The following PLD3 variants were observed in gnomAD, a reference collection of about 807,000 sequenced individuals.
PLD3 encodes the protein phospholipase D family member 3, also known as 5'-3' exonuclease PLD3.
In PLD3, 31 loss-of-function variants were observed where a neutral mutation model predicts 58.4. The ratio of observed to expected loss-of-function variants is 0.53; its 90% CI spans 0.40 to 0.72. The LOEUF (loss-of-function observed/expected upper bound fraction) is 0.72, where lower values mean the gene tolerates loss of function less well. Ranked by LOEUF, PLD3 falls within the 30% of genes least tolerant of loss-of-function variation. The probability of loss-of-function intolerance (pLI) is 0.00; values close to 1 mark genes in which losing one functional copy is unlikely to be tolerated. For missense variants in PLD3, 595 were observed against 659.8 expected, an observed-to-expected ratio of 0.90 and a Z score of 1.08; for synonymous variants, 264 against 273.4, an observed-to-expected ratio of 0.97 and a Z score of 0.34.
chr19:40,378,015 A>G lies in PLD3; in HGVS notation c.1315A>G (p.Thr439Ala). The change falls in exon 13 of 13, where the codon ACG becomes GCG. Residue 439 changes from threonine to alanine, a missense_variant. Thr to Ala is a moderately conservative substitution (Grantham distance 58). Transcript: ENST00000409735. ...CTCCAACTGGTCTGGCAACTACTTC[A>G]CGGAGACGGCGGGCACCTCGCTGCT... ...GTSNWSGNYF[T>A]ETAGTSLLVT... is the part of the protein sequence containing the mutation. 6.2e-7 allele frequency: 1 copy of G among 1,613,284 alleles called. No individual in the cohort carries two copies. Among genetic ancestry groups the G allele is most frequent in the Non-Finnish European group, 8.5e-7 (1 of 1,179,602 alleles).
rs546638979 is a variant in PLD3, at chr19:40,378,326, C to T, written c.*153C>T. The T allele has an allele frequency of 3.3e-4, 253 of 768,698 alleles. 1 individual carries two copies. The highest frequency in any genetic ancestry group is 5.4e-4 in the Non-Finnish European group (239 of 442,038). The allele number at this position is 768,698 out of a possible 1,614,324, so 47.6% of individuals were successfully genotyped here. ...GCTCTCCCACCTCTACCTCCACCCC[C>T]ACCGGCCTGACGCTGTGGCCCCGGG... is the stretch of plus-strand genomic sequence containing the variant. On this transcript the variant is annotated 3_prime_UTR_variant, in exon 13 of 13. Transcript: ENST00000409735.
rs1188428773 is a variant in PLD3, at chr19:40,377,830, A to T, written c.1230A>T (p.Pro410=). 3.7e-6 allele frequency: 6 copies of T among 1,613,822 alleles called. No individual in the cohort carries two copies. The African/African-American group carries it at 8.0e-5, about 22-fold the overall frequency. ...VPADEAQARI[P]YARVNHNKYM... is the part of the protein sequence containing the mutation. ...CGGATGAGGCCCAGGCTCGAATCCC[A>T]TATGCCCGTGTCAACCACAACAAGT... The change falls in exon 12 of 13, where the codon CCA becomes CCT. Residue 410 remains proline, a synonymous_variant. Transcript: ENST00000409735.
At chr19:40,369,134 A>AT (rs1210303462) in intron 6 of PLD3, among the ~76,000 whole-genome samples, 5 of 151,818 alleles carry the variant, frequency 3.3e-5, no homozygotes, top group African/African-American at 7.3e-5. Flanking sequence ...CTAAAAAAAA[A>AT]TTTTTTTATG....
intron 1 of PLD3, among the ~76,000 whole-genome samples, chr19:40,361,908 C>T (rs770280301): frequency 2.0e-5 from 3 of 151,948 alleles, no homozygotes; most frequent in African/African-American, 4.8e-5. Context: ...GTGGCGCCAA[C>T]TCACTGCAAC....
intron 9 of PLD3, among the ~76,000 whole-genome samples, 153 bp downstream of exon 9, chr19:40,372,026 T>G (rs2079079220): frequency 6.6e-6 from 1 of 152,164 alleles, no homozygotes; most frequent in Non-Finnish European, 1.5e-5. Flanking sequence ...CCTGGAGTAG[T>G]TCCCAACATC....
At position 40,378,002 on chromosome 19, in the gene PLD3, T is replaced by C. The variant is rs1341176975; in HGVS notation, c.1302T>C (p.Ser434=). ...CCTCTCTAGGAACCTCCAACTGGTC[T>C]GGCAACTACTTCACGGAGACGGCGG... ...RATYIGTSNW[S]GNYFTETAGT... The change falls in exon 13 of 13, where the codon TCT becomes TCC. Residue 434 remains serine, a synonymous_variant. Coordinates refer to ENST00000409735, the MANE Select transcript of PLD3 (RefSeq NM_012268.4). 6.2e-7 allele frequency: 1 copy of C among 1,613,062 alleles called. No homozygotes were observed. The highest frequency in any genetic ancestry group is 1.3e-5 in the African/African-American group (1 of 75,024).
intron 1 of PLD3, among the ~76,000 whole-genome samples, chr19:40,352,451 C>T (rs2078543387): frequency 6.6e-6 from 1 of 152,048 alleles, no homozygotes; most frequent in Non-Finnish European, 1.5e-5. Context: ...GCATCTGTCC[C>T]TGGAAGCTTG....
chr19:40,352,494 CCT>C (rs1428435874), intron 1 of PLD3, among the ~76,000 whole-genome samples: 6 of 152,036 alleles, frequency 3.9e-5, no homozygotes, highest in Non-Finnish European at 7.4e-5. Context: ...TGCTCCATTT[CCT>C]CTCTCTTTTT....
intron 9 of PLD3, among the ~76,000 whole-genome samples, chr19:40,372,321 T>TACAA (rs59326126): frequency 0.023 from 3,548 of 151,616 alleles, 172 homozygotes; most frequent in Admixed American, 0.12. Flanking sequence ...ACTCCATCTT[T>TACAA]ACAAACAAAC....
chr19:40,377,838 G>T lies in PLD3; in HGVS notation c.1238G>T (p.Arg413Leu). The change falls in exon 12 of 13, where the codon CGT becomes CTT. Residue 413 changes from arginine (R) to leucine (L), a missense_variant. Coordinates refer to ENST00000409735, the MANE Select transcript of PLD3 (RefSeq NM_012268.4). Reference sequence around the variant, plus strand: ...GCCCAGGCTCGAATCCCATATGCCCGTGTCAACCACAACAAGTACATGGTG... The same window carrying T: ...GCCCAGGCTCGAATCCCATATGCCCTTGTCAACCACAACAAGTACATGGTG... ...DEAQARIPYA[R>L]VNHNKYMVTE... 6.2e-7 allele frequency: 1 copy of T among 1,613,936 alleles called. No homozygotes were observed. Among genetic ancestry groups the T allele is most frequent in the Non-Finnish European group, 8.5e-7 (1 of 1,179,878 alleles).
intron 5 of PLD3, chr19:40,367,473 C>T (rs1017462891): frequency 5.2e-5 from 25 of 479,010 alleles, no homozygotes; most frequent in Non-Finnish European, 8.3e-5. Flanking sequence ...CCCAGCTACT[C>T]AAGAGGTTGA....
chr19:40,378,306 C>A lies in PLD3; in HGVS notation c.*133C>A, dbSNP rs765147994. Reference sequence around the variant, plus strand: ...CTCCTCAGGCTCTCTCCCCTGCTCTCCCACCTCTACCTCCACCCCCACCGG... The same window carrying A: ...CTCCTCAGGCTCTCTCCCCTGCTCTACCACCTCTACCTCCACCCCCACCGG... On this transcript the variant is annotated 3_prime_UTR_variant, in exon 13 of 13. Transcript: ENST00000409735. 5 of 827,358 alleles carry A rather than the reference C, an allele frequency of 6.0e-6. No homozygotes were observed. Among genetic ancestry groups the A allele is most frequent in the Non-Finnish European group, 1.0e-5 (5 of 489,552 alleles). 51.3% of individuals were successfully genotyped at this position (827,358 alleles called of 1,614,324 possible).
chr19:40,367,319 G>A (rs963837862), intron 5 of PLD3: 4 of 256,576 alleles, frequency 1.6e-5, no homozygotes, highest in East Asian at 7.8e-5. Context: ...GGTGGCTCAC[G>A]CCTGTAATTG....
At chr19:40,361,125 T>C (rs1198858775) in intron 1 of PLD3, among the ~76,000 whole-genome samples, 3 of 152,016 alleles carry the variant, frequency 2.0e-5, no homozygotes, top group East Asian at 1.9e-4. Context: ...TCTTTTTTTT[T>C]TCGAGATGGA....
At position 40,374,558 on chromosome 19, in the gene PLD3, G is replaced by C. The variant is rs758344658; in HGVS notation, c.957G>C (p.Arg319=). 6.2e-7 allele frequency: 1 copy of C among 1,614,160 alleles called. No individual in the cohort carries two copies. The change falls in exon 10 of 13, where the codon CGG becomes CGC. Residue 319 remains arginine, a synonymous_variant. Transcript: ENST00000409735. ...KALLNVVDNA[R]SFIYVAVMNY... is the part of the protein sequence containing the mutation. The stretch of plus-strand genomic sequence containing the variant: ...TACTCAACGTGGTGGACAATGCCCG[G>C]AGTTTCATCTACGTCGCTGTCATGA...
chr19:40,376,527 T>TG, intron 10 of PLD3, 82 bp from the exon 11 acceptor site: 1 of 1,397,902 alleles, frequency 7.2e-7, no homozygotes, highest in Non-Finnish European at 9.8e-7. Flanking sequence ...GGCCCAGGCT[T>TG]GGTTCCCCAA....
At chr19:40,366,961 C>G in intron 5 of PLD3, 46 bp downstream of exon 5, 16 of 1,556,534 alleles carry the variant, frequency 1.0e-5, no homozygotes, top group Non-Finnish European at 1.3e-5. Context: ...CCTGCCAGAC[C>G]AGGTACACTT....
chr19:40,370,223 C>T lies in PLD3; in HGVS notation c.664C>T (p.Arg222Cys), dbSNP rs200077325. ...CCTGGGCAGTGCCAACATGGACTGG[C>T]GTTCACTGACCCAGGTCTGTCTGCA... ...FYLGSANMDWRSLTQVKELGV... is the reference protein window; with the variant it reads ...FYLGSANMDWCSLTQVKELGV... The change falls in exon 8 of 13, where the codon CGT becomes TGT. Residue 222 changes from arginine (R) to cysteine (C), a missense_variant. Transcript: ENST00000409735. 21 of 1,613,384 alleles carry T rather than the reference C, an allele frequency of 1.3e-5. No individual in the cohort carries two copies. Among genetic ancestry groups the T allele is most frequent in the East Asian group, 6.7e-5 (3 of 44,876 alleles).
chr19:40,364,998 TA>T lies in PLD3; in HGVS notation c.-278-715del, dbSNP rs555917332. ...AAAAGAAAAGAAAATAGGCTTACAATAAAAAGCAATCTTGACCTACCCCAAA... is the reference window on the plus strand; with the variant it reads ...AAAAGAAAAGAAAATAGGCTTACAATAAAAGCAATCTTGACCTACCCCAAA... On this transcript the variant is annotated intron_variant, in intron 1 of 12. Transcript: ENST00000409735. Among the ~76,000 whole-genome samples, 679 of 152,184 alleles carry T rather than the reference TA, an allele frequency of 4.5e-3. 2 individuals carry two copies. Among genetic ancestry groups the T allele is most frequent in the African/African-American group, 0.015 (642 of 41,542 alleles).
Sources: gnomAD v4.1 joint callset for allele counts (sites outside exome capture counted in the v4.1 genomes callset) on GRCh38, gnomAD v4.1.1 for gene constraint, MANE v1.5 for transcripts, NCBI Gene and HGNC (gene_info 2026-07-23, HGNC 2026-07-21) for gene names.